Variants in WWOX observed in about 807,000 individuals in gnomAD.
WWOX encodes WW domain containing oxidoreductase.
In WWOX, 69 loss-of-function variants were observed where a neutral mutation model predicts 46.2. The ratio of observed to expected loss-of-function variants is 1.49; its 90% CI spans 1.23 to 1.82. The LOEUF (loss-of-function observed/expected upper bound fraction) is 1.82, where lower values mean the gene tolerates loss of function less well. Ranked by LOEUF, WWOX falls within the 40% of genes most tolerant of loss-of-function variation. The pLI is 0.00. For missense variants in WWOX, 919 were observed against 542.6 expected, an observed-to-expected ratio of 1.69 and a Z score of -6.89; for synonymous variants, 359 against 202.6, an observed-to-expected ratio of 1.77 and a Z score of -6.56.
intron 8 of WWOX, among the ~76,000 whole-genome samples, chr16:78,619,617 C>T (rs1048488543): frequency 2.0e-5 from 3 of 151,620 alleles, no homozygotes; most frequent in African/African-American, 7.3e-5. Context: ...TAAAAAGAAC[C>T]ATGTGAATTG....
chr16:79,156,282 C>G (rs1597428761), intron 8 of WWOX, among the ~76,000 whole-genome samples: 1 of 152,190 alleles, frequency 6.6e-6, no homozygotes. Flanking sequence ...CCACGTCAAC[C>G]TCCAGAATAG....
At chr16:78,279,800 G>C (rs1411465428) in intron 5 of WWOX, among the ~76,000 whole-genome samples, 1 of 152,208 alleles carries the variant, frequency 6.6e-6, no homozygotes, top group Admixed American at 6.5e-5. Flanking sequence ...TAACTCTTCT[G>C]CTAACCCTCC....
intron 8 of WWOX, among the ~76,000 whole-genome samples, chr16:79,121,715 G>A (rs1241772216): frequency 6.6e-6 from 1 of 152,190 alleles, no homozygotes; most frequent in Non-Finnish European, 1.5e-5. Flanking sequence ...CGAACTGGTG[G>A]CTTCCCACAA....
Position 78,537,513 on chromosome 16 carries a change from A to G in WWOX, c.1056+104761A>G, listed in dbSNP as rs939463007. ...TTATCGTTTTCATCATTATCATATGATTTACCTCTTCTCTTGTGTCTTATA... is the reference window on the plus strand; with the variant it reads ...TTATCGTTTTCATCATTATCATATGGTTTACCTCTTCTCTTGTGTCTTATA... On this transcript the variant is annotated intron_variant, in intron 8 of 8. Transcript: ENST00000566780. 2.0e-4 allele frequency among the ~76,000 whole-genome samples: 31 copies of G among 152,210 alleles called. 1 individual carries two copies. Among genetic ancestry groups the G allele is most frequent in the African/African-American group, 2.4e-5 (1 of 41,538 alleles).
chr16:78,372,996 T>A (rs1439829161), intron 5 of WWOX, among the ~76,000 whole-genome samples: 4 of 152,236 alleles, frequency 2.6e-5, no homozygotes, highest in African/African-American at 9.6e-5. Context: ...TCAAAGACTT[T>A]TGCAGGCTTA....
chr16:78,742,158 A>G (rs1288184153), intron 8 of WWOX, among the ~76,000 whole-genome samples: 1 of 152,196 alleles, frequency 6.6e-6, no homozygotes, highest in Non-Finnish European at 1.5e-5. Context: ...GTTTTGTAAT[A>G]TTACATGTAG....
chr16:78,696,215 A>G (rs529351445), intron 8 of WWOX, among the ~76,000 whole-genome samples: 4 of 152,130 alleles, frequency 2.6e-5, no homozygotes, highest in African/African-American at 7.2e-5. Flanking sequence ...CTGCCTGGCA[A>G]CTTCCTTAAC....
intron 5 of WWOX, among the ~76,000 whole-genome samples, chr16:78,369,544 C>A (rs1165001830): frequency 6.6e-6 from 1 of 152,146 alleles, no homozygotes; most frequent in Non-Finnish European, 1.5e-5. Context: ...CCTGCGCTGG[C>A]CACACAAGTG....
At chr16:79,169,415 T>G (rs1214601751) in intron 8 of WWOX, among the ~76,000 whole-genome samples, 2 of 152,180 alleles carry the variant, frequency 1.3e-5, no homozygotes, top group Non-Finnish European at 2.9e-5. Flanking sequence ...CTTGGAGAAA[T>G]GCAGTGCTTC....
intron 5 of WWOX, among the ~76,000 whole-genome samples, chr16:78,242,986 C>T (rs1416231122): frequency 1.3e-5 from 2 of 151,956 alleles, no homozygotes; most frequent in Non-Finnish European, 2.9e-5. Context: ...CCAGCCTGGG[C>T]AACAGAGGGA....
chr16:78,718,632 C>T (rs1431744594), intron 8 of WWOX, among the ~76,000 whole-genome samples: 1 of 151,902 alleles, frequency 6.6e-6, no homozygotes, highest in Admixed American at 6.6e-5. Context: ...CCCTTGAGCC[C>T]AGGATTTTGA....
chr16:78,471,965 T>G (rs985275009), intron 8 of WWOX, among the ~76,000 whole-genome samples: 3 of 152,222 alleles, frequency 2.0e-5, no homozygotes, highest in Admixed American at 2.0e-4. Flanking sequence ...TGCAAAATCC[T>G]TCTTTAGAAA....
At position 78,750,740 on chromosome 16, in the gene WWOX, C is replaced by G. The variant is rs376976990; in HGVS notation, c.1056+317988C>G. The stretch of plus-strand genomic sequence containing the variant: ...GCTTCGACTTGTAAGTAAGAACATG[C>G]GGTATTTGGTTTTCTGTTTCTGCAT... On this transcript the variant is annotated intron_variant, in intron 8 of 8. Transcript: ENST00000566780. Among the ~76,000 whole-genome samples, 33 of 152,078 alleles carry G rather than the reference C, an allele frequency of 2.2e-4. 1 individual carries two copies. The highest frequency in any genetic ancestry group is 8.0e-4 in the African/African-American group (33 of 41,420).
chr16:78,106,880 A>G (rs2032181148), intron 1 of WWOX, among the ~76,000 whole-genome samples: 1 of 152,220 alleles, frequency 6.6e-6, no homozygotes, highest in African/African-American at 2.4e-5. Flanking sequence ...GTGAGGTGGC[A>G]GTAGCCCTGA....
chr16:78,447,890 A>T (rs553212124), intron 8 of WWOX, among the ~76,000 whole-genome samples: 39 of 152,086 alleles, frequency 2.6e-4, no homozygotes, highest in African/African-American at 9.4e-4. Flanking sequence ...TACAACGTCC[A>T]CCTCCTGGGT....
intron 8 of WWOX, among the ~76,000 whole-genome samples, chr16:78,734,485 A>T (rs988476747): frequency 4.6e-5 from 7 of 152,130 alleles, no homozygotes; most frequent in South Asian, 2.1e-4. Context: ...GCGGGTTGAC[A>T]TTTCTAGTGA....
At chr16:79,184,304 A>G (rs1024253565) in intron 8 of WWOX, among the ~76,000 whole-genome samples, 5 of 152,180 alleles carry the variant, frequency 3.3e-5, no homozygotes, top group African/African-American at 9.7e-5. Flanking sequence ...AGAGCCTACC[A>G]TTCATTTATT....
chr16:78,818,503 A>G (rs1372565768), intron 8 of WWOX, among the ~76,000 whole-genome samples: 5 of 152,214 alleles, frequency 3.3e-5, no homozygotes, highest in Non-Finnish European at 7.3e-5. Flanking sequence ...GGCCACGGCA[A>G]GAGGATCACT....
At chr16:78,831,525 C>T (rs944804494) in intron 8 of WWOX, among the ~76,000 whole-genome samples, 2 of 152,146 alleles carry the variant, frequency 1.3e-5, no homozygotes, top group African/African-American at 4.8e-5. Flanking sequence ...ACCCCGGTGC[C>T]CATGCCCGGG....
Sources: gnomAD v4.1 joint callset for allele counts (sites outside exome capture counted in the v4.1 genomes callset) on GRCh38, gnomAD v4.1.1 for gene constraint, MANE v1.5 for transcripts, NCBI Gene and HGNC (gene_info 2026-07-23, HGNC 2026-07-21) for gene names.